FBRSL1: variants seen among roughly 807,000 people sequenced by gnomAD.
FBRSL1 encodes fibrosin-1-like protein.
A neutral mutation model predicts 89.6 loss-of-function variants in FBRSL1; 51 were observed. The observed-to-expected ratio is 0.57, with a 90% CI of 0.45 to 0.72. The LOEUF is 0.72. Among genes scored for constraint, FBRSL1 ranks in the 30% least tolerant of loss-of-function variants. The probability of loss-of-function intolerance (pLI) is 0.00; values close to 1 mark genes in which losing one functional copy is unlikely to be tolerated. For synonymous variants in FBRSL1, 779 were observed against 681.1 expected (o/e 1.14, Z -2.24); for missense variants, 1,618 against 1,451.8 (o/e 1.11, Z -1.86).
intron 4 of FBRSL1, among the ~76,000 whole-genome samples, chr12:132,542,348 C>T (rs1007043769): frequency 6.6e-6 from 1 of 152,258 alleles, no homozygotes; most frequent in Non-Finnish European, 1.5e-5. Flanking sequence ...AGCTCGGCCT[C>T]TCACCCGACA....
intron 1 of FBRSL1, among the ~76,000 whole-genome samples, chr12:132,501,891 GT>G (rs1036265949): frequency 2.0e-5 from 3 of 152,214 alleles, no homozygotes; most frequent in African/African-American, 7.2e-5. Flanking sequence ...CCTGCCCTGC[GT>G]CCCCCCTTTG....
intron 4 of FBRSL1, among the ~76,000 whole-genome samples, chr12:132,541,035 G>C (rs879688072): frequency 3.7e-3 from 398 of 107,654 alleles, no homozygotes; most frequent in Middle Eastern, 7.1e-3. Context: ...CTGGGGGGCA[G>C]AGCCCCACAC....
chr12:132,507,413 G>A (rs1009053300), intron 1 of FBRSL1: 35 of 985,540 alleles, frequency 3.6e-5, no homozygotes, highest in Non-Finnish European at 3.9e-5. Flanking sequence ...TTTATCGAGT[G>A]TGGAGGTGGG....
rs554856950 is a variant in FBRSL1 at position 132,525,880 on chromosome 12, C to T, written c.579+57C>T. ...CCGAGTCTGGGCCGCCTGCCCGCTG[C>T]GCCCCGCACAAGGGCGTCCAGTCCG... On this transcript the variant is annotated intron_variant, in intron 3 of 18. Coordinates refer to ENST00000680143, the MANE Select transcript of FBRSL1 (RefSeq NM_001367871.1). 893 of 1,385,558 alleles carry T rather than the reference C, an allele frequency of 6.4e-4. 1 individual carries two copies. Among genetic ancestry groups the T allele is most frequent in the Middle Eastern group, 1.4e-3 (6 of 4,368 alleles). 85.8% of individuals were successfully genotyped at this position (1,385,558 alleles called of 1,614,324 possible). A position where few individuals can be genotyped will look rare whatever the true frequency, so the allele number is the denominator to read the frequency against.
In FBRSL1 at chr12:132,501,158, G is replaced by A. The variant is rs547606578; in HGVS notation, c.292-6995G>A. Among the ~76,000 whole-genome samples, 4 of 152,280 alleles carry A rather than the reference G, an allele frequency of 2.6e-5. No individual in the cohort carries two copies. In the East Asian group the frequency reaches 7.7e-4, roughly 29 times the overall value. ...TCCCCCTGCAACTCTGCTCCCTGGG[G>A]CCCTGAGGTCAGAAGTGGGTCGGCC... On this transcript the variant is annotated intron_variant, in intron 1 of 18. Coordinates refer to ENST00000680143, the MANE Select transcript of FBRSL1 (RefSeq NM_001367871.1).
At chr12:132,509,902 G>T in intron 2 of FBRSL1, 3 of 1,231,214 alleles carry the variant, frequency 2.4e-6, no homozygotes, top group Non-Finnish European at 3.0e-6. Context: ...CAGTGCTGCT[G>T]CCCCCGGCGG....
In FBRSL1 at chr12:132,569,975, G is replaced by A; in HGVS notation, c.741G>A (p.Val247=). 2.1e-6 allele frequency: 3 copies of A among 1,462,814 alleles called. No individual in the cohort carries two copies. The highest frequency in any genetic ancestry group is 2.7e-6 in the Non-Finnish European group (3 of 1,116,232). 90.6% of individuals were successfully genotyped at this position (1,462,814 alleles called of 1,614,324 possible). A position where few individuals can be genotyped will look rare whatever the true frequency, so the allele number is the denominator to read the frequency against. Residue 247 remains valine (V), a synonymous_variant, in exon 7 of 19, where the codon GTG becomes GTA. Coordinates refer to ENST00000680143, the MANE Select transcript of FBRSL1 (RefSeq NM_001367871.1). The stretch of plus-strand genomic sequence containing the variant: ...CCAAGGCCGGGCCGGTGCCCAAGGT[G>A]TCAGGCCTGGAGCGCAGCCGCGAGC... The part of the protein sequence containing the change: ...SEAKAGPVPK[V]SGLERSRELS...
chr12:132,583,666 C>G lies in FBRSL1; in HGVS notation c.2897C>G (p.Pro966Arg). The change falls in exon 19 of 19, where the codon CCC becomes CGC. Residue 966 changes from proline (P) to arginine (R), a missense_variant. Coordinates refer to ENST00000680143, the MANE Select transcript of FBRSL1 (RefSeq NM_001367871.1). ...PPPLVTAAGP[P>R]TPPGPPRSRT... ...CCCCTGGTGACGGCGGCCGGGCCCC[C>G]CACGCCCCCCGGGCCGCCGCGGAGC... 2 of 1,094,386 alleles carry G rather than the reference C, an allele frequency of 1.8e-6. No homozygotes were observed. The highest frequency in any genetic ancestry group is 1.1e-6 in the Non-Finnish European group (1 of 899,108). 67.8% of individuals were successfully genotyped at this position (1,094,386 alleles called of 1,614,324 possible). A position where few individuals can be genotyped will look rare whatever the true frequency, so the allele number is the denominator to read the frequency against.
At chr12:132,523,041 G>A (rs947281315) in intron 2 of FBRSL1, among the ~76,000 whole-genome samples, 2 of 152,176 alleles carry the variant, frequency 1.3e-5, no homozygotes, top group African/African-American at 4.8e-5. Flanking sequence ...CAGACCACAA[G>A]GCTGGGGTGG....
chr12:132,563,765 CGGCTG>C (rs1165071916), intron 5 of FBRSL1, among the ~76,000 whole-genome samples: 1,987 of 96,936 alleles, frequency 0.02, 121 homozygotes, highest in Non-Finnish European at 0.031. Context: ...TGCACCCCTC[CGGCTG>C]ACACATACCT....
At chr12:132,579,522 C>T (rs2040605693) in intron 15 of FBRSL1, among the ~76,000 whole-genome samples, 1 of 152,232 alleles carries the variant, frequency 6.6e-6, no homozygotes, top group Non-Finnish European at 1.5e-5. Flanking sequence ...AGCAATCCTG[C>T]TAAATTCTTA....
intron 15 of FBRSL1, among the ~76,000 whole-genome samples, chr12:132,579,034 A>G (rs369438548): frequency 5.2e-4 from 77 of 147,370 alleles, no homozygotes; most frequent in African/African-American, 1.9e-3. Context: ...CGCCCCACCG[A>G]CCCTGCTCCT....
At chr12:132,511,779 C>T (rs1263118779) in intron 2 of FBRSL1, 5 of 985,306 alleles carry the variant, frequency 5.1e-6, no homozygotes, top group Non-Finnish European at 6.0e-6. Context: ...CAGGCCCTCC[C>T]GGGTCCTGAC....
rs1593513203 is a variant in FBRSL1, at chr12:132,563,800, C to T, written c.646-3681C>T. Among the ~76,000 whole-genome samples the T allele has an allele frequency of 6.0e-5, 4 of 66,922 alleles. No individual in the cohort carries two copies. In the South Asian group the frequency reaches 2.2e-3, roughly 36 times the overall value. 43.9% of individuals were successfully genotyped at this position (66,922 alleles called of 152,430 possible). A position where few individuals can be genotyped will look rare whatever the true frequency, so the allele number is the denominator to read the frequency against. On this transcript the variant is annotated intron_variant, in intron 5 of 18. Transcript: ENST00000680143. ...ATACCTACGACTGTACACTCACCCCCGTCGCCCCTGAACCCCCGAGCTTGT... is the reference window on the plus strand; with the variant it reads ...ATACCTACGACTGTACACTCACCCCTGTCGCCCCTGAACCCCCGAGCTTGT...
At chr12:132,517,283 C>T (rs922283206) in intron 2 of FBRSL1, among the ~76,000 whole-genome samples, 4 of 152,228 alleles carry the variant, frequency 2.6e-5, no homozygotes, top group Admixed American at 6.5e-5. Context: ...GGGGCCACGC[C>T]GGCCAGGGTG....
chr12:132,559,065 G>A (rs1401985280), intron 5 of FBRSL1, among the ~76,000 whole-genome samples: 1 of 152,258 alleles, frequency 6.6e-6, no homozygotes, highest in Admixed American at 6.5e-5. Context: ...CGTCTGGTGC[G>A]GTCAGGCGCA....
rs573907389 is a variant in FBRSL1 at position 132,576,925 on chromosome 12, A to C, written c.1828A>C (p.Ser610Arg). Residue 610 changes from serine to arginine, a missense_variant, in exon 15 of 19, where the codon AGC becomes CGC. Coordinates refer to ENST00000680143, the MANE Select transcript of FBRSL1 (RefSeq NM_001367871.1). The part of the protein sequence containing the change: ...PQDLARPLFP[S>R]TGAAHPASNP... ...GGACCTGGCCCGGCCCCTCTTCCCC[A>C]GCACAGGTGAGACTGGAGTCGGGCC... 6.5e-7 allele frequency: 1 copy of C among 1,548,926 alleles called. No homozygotes were observed. Among genetic ancestry groups the C allele is most frequent in the Non-Finnish European group, 8.7e-7 (1 of 1,146,140 alleles).
intron 15 of FBRSL1, among the ~76,000 whole-genome samples, chr12:132,578,305 A>G (rs1046899756): frequency 6.8e-6 from 1 of 146,210 alleles, no homozygotes. Flanking sequence ...TGATTGCACC[A>G]CTGCTCTCCA....
chr12:132,575,827 C>T (rs148843272), intron 14 of FBRSL1, among the ~76,000 whole-genome samples: 1,620 of 152,388 alleles, frequency 0.011, 30 homozygotes, highest in African/African-American at 0.038. Flanking sequence ...TGCCAGAGCA[C>T]ACTGCAGGGA....
Sources: allele counts gnomAD v4.1 joint callset (sites outside exome capture counted in the v4.1 genomes callset), GRCh38; gene constraint gnomAD v4.1.1; transcripts MANE v1.5; gene names NCBI Gene and HGNC (gene_info 2026-07-23, HGNC 2026-07-21).